GRM8: variants seen among roughly 807,000 people sequenced by gnomAD.
GRM8 encodes metabotropic glutamate receptor 8.
In GRM8, 47 loss-of-function variants were observed where a neutral mutation model predicts 87.2. The observed-to-expected ratio is 0.54, with a 90% CI of 0.43 to 0.69. GRM8 has a LOEUF of 0.69. Among genes scored for constraint, GRM8 ranks in the 30% least tolerant of loss-of-function variants. The probability of loss-of-function intolerance (pLI) is 0.00; values close to 1 mark genes in which losing one functional copy is unlikely to be tolerated. For synonymous variants in GRM8, 396 were observed against 404.5 expected (o/e 0.98, Z 0.25); for missense variants, 1,019 against 1,139.2 (o/e 0.89, Z 1.52).
chr7:127,073,179 T>C (rs1055452660), intron 3 of GRM8, among the ~76,000 whole-genome samples: 3 of 152,034 alleles, frequency 2.0e-5, no homozygotes, highest in African/African-American at 7.2e-5. Flanking sequence ...ATCAAACTTC[T>C]AAGTACTGGA....
At chr7:126,998,331 C>G (rs1259332040) in intron 3 of GRM8, among the ~76,000 whole-genome samples, 4 of 151,866 alleles carry the variant, frequency 2.6e-5, no homozygotes, top group African/African-American at 9.6e-5. Flanking sequence ...AAACTGAAAG[C>G]CTTTCCTCTA....
chr7:126,477,639 A>AAAG (rs1563051509), intron 9 of GRM8, among the ~76,000 whole-genome samples: 27 of 144,188 alleles, frequency 1.9e-4, no homozygotes, highest in Non-Finnish European at 2.9e-4. Context: ...AAGAAAGAAA[A>AAAG]AACGAAAGAG....
intron 2 of GRM8, among the ~76,000 whole-genome samples, chr7:127,146,657 T>G (rs560682031): frequency 6.6e-6 from 1 of 152,166 alleles, no homozygotes; most frequent in Admixed American, 6.5e-5. Context: ...CAGAATATTT[T>G]AGTTCAGTTA....
rs923047713 is a variant in GRM8 at position 126,685,056 on chromosome 7, C to T, written c.1358-75558G>A. Among the ~76,000 whole-genome samples, 1 of 152,180 alleles carries T rather than the reference C, an allele frequency of 6.6e-6. No individual in the cohort carries two copies. The highest frequency in any genetic ancestry group is 2.4e-5 in the African/African-American group (1 of 41,448). ...GCCATGGGACCCCTGTGCCCTGCGT[C>T]CCCAAGGAAGCTGACTGCACTGCCC... is the stretch of plus-strand genomic sequence containing the variant. On this transcript the variant is annotated intron_variant, in intron 7 of 10. Transcript: ENST00000339582. The surrounding 1 kb of genome is among the most constrained non-coding windows in gnomAD (Gnocchi z 4.2).
At chr7:126,580,362 C>A (rs1349670360) in intron 8 of GRM8, among the ~76,000 whole-genome samples, 6 of 152,254 alleles carry the variant, frequency 3.9e-5, no homozygotes, top group Middle Eastern at 6.8e-3. Context: ...GCAATCCATT[C>A]TCTACCCCTG....
At chr7:127,219,207 T>C (rs1039758609) in intron 2 of GRM8, among the ~76,000 whole-genome samples, 2 of 152,114 alleles carry the variant, frequency 1.3e-5, no homozygotes, top group Non-Finnish European at 2.9e-5. Flanking sequence ...GTGATATCTG[T>C]ATCTGTCCAG....
At chr7:126,486,460 C>G (rs1256276463) in intron 9 of GRM8, among the ~76,000 whole-genome samples, 1 of 151,976 alleles carries the variant, frequency 6.6e-6, no homozygotes, top group Non-Finnish European at 1.5e-5. Flanking sequence ...CCCTGTTCCA[C>G]TCTCCCCTCC....
chr7:126,994,612 T>C (rs1011732526), intron 3 of GRM8, among the ~76,000 whole-genome samples: 10 of 152,098 alleles, frequency 6.6e-5, no homozygotes, highest in Non-Finnish European at 8.8e-5. Context: ...AAAAACTCCC[T>C]ATGGGCTAGT....
At chr7:126,522,800 C>T (rs1037103485) in intron 9 of GRM8, among the ~76,000 whole-genome samples, 1 of 152,120 alleles carries the variant, frequency 6.6e-6, no homozygotes, top group East Asian at 1.9e-4. Context: ...CGTTCACCAT[C>T]CCTGGTCCCA....
chr7:126,945,043 G>A (rs1237100876), intron 3 of GRM8, among the ~76,000 whole-genome samples: 1 of 152,120 alleles, frequency 6.6e-6, no homozygotes, highest in Non-Finnish European at 1.5e-5. Context: ...ATCTTTTGGG[G>A]AAGAGAATGA....
intron 2 of GRM8, among the ~76,000 whole-genome samples, chr7:127,151,080 C>T (rs1372965066): frequency 6.6e-6 from 1 of 152,000 alleles, no homozygotes; most frequent in Non-Finnish European, 1.5e-5. Flanking sequence ...CATATGCTGG[C>T]ATCGCTAAGT....
At chr7:126,570,933 C>A (rs1019489967) in intron 8 of GRM8, among the ~76,000 whole-genome samples, 1 of 152,136 alleles carries the variant, frequency 6.6e-6, no homozygotes, top group Non-Finnish European at 1.5e-5. Flanking sequence ...TATTCAAATA[C>A]CATTTCTGTG....
rs1177565130 is a variant in GRM8, at chr7:126,472,019, A to G, written c.2431-25647T>C. ...TTATTGGTGTATAAGAATGCTTGTG[A>G]TTTTTGCACATTGATTTTGTATCCT... On this transcript the variant is annotated intron_variant, in intron 9 of 10. Transcript: ENST00000339582. Among the ~76,000 whole-genome samples, 15 of 152,168 alleles carry G rather than the reference A, an allele frequency of 9.9e-5. No individual in the cohort carries two copies. The East Asian group carries it at 2.9e-3, about 29-fold the overall frequency.
At chr7:126,516,152 C>G (rs1036169978) in intron 9 of GRM8, among the ~76,000 whole-genome samples, 2 of 151,956 alleles carry the variant, frequency 1.3e-5, no homozygotes, top group Non-Finnish European at 2.9e-5. Flanking sequence ...CTCTCATCAA[C>G]CTAGAATACA....
At chr7:126,663,373 C>T (rs1805412534) in intron 7 of GRM8, among the ~76,000 whole-genome samples, 1 of 152,170 alleles carries the variant, frequency 6.6e-6, no homozygotes, top group South Asian at 2.1e-4. Context: ...CCCTGATGAA[C>T]ATAGATTGAA....
rs75435753 is a variant in GRM8, at chr7:126,610,573, G to A, written c.1358-1075C>T. Among the ~76,000 whole-genome samples, 1,133 of 152,050 alleles carry A rather than the reference G, an allele frequency of 7.5e-3. 4 individuals carry two copies. Among genetic ancestry groups the A allele is most frequent in the African/African-American group, 0.024 (1,003 of 41,456 alleles). On this transcript the variant is annotated intron_variant, in intron 7 of 10. Coordinates refer to ENST00000339582, the MANE Select transcript of GRM8 (RefSeq NM_000845.3). ...GTATACATAACTAATAGTTATATAC[G>A]TCAACTGTACATATTCCCATCTTAT...
intron 3 of GRM8, among the ~76,000 whole-genome samples, chr7:127,103,104 A>G (rs558534815): frequency 6.6e-6 from 1 of 152,164 alleles, no homozygotes; most frequent in Non-Finnish European, 1.5e-5. Flanking sequence ...CAGCCCCCCA[A>G]AGTGCTGGGA....
intron 8 of GRM8, among the ~76,000 whole-genome samples, chr7:126,583,001 C>G (rs1332171736): frequency 6.6e-6 from 1 of 152,144 alleles, no homozygotes; most frequent in African/African-American, 2.4e-5. Flanking sequence ...GAATATACAA[C>G]ATCCAATCTG....
At chr7:126,826,925 C>G (rs990074995) in intron 6 of GRM8, among the ~76,000 whole-genome samples, 5 of 152,174 alleles carry the variant, frequency 3.3e-5, no homozygotes, top group Non-Finnish European at 7.3e-5. Flanking sequence ...TTTCAGCTTT[C>G]TCCATATGGC....
Sources: gnomAD v4.1 joint callset for allele counts (sites outside exome capture counted in the v4.1 genomes callset) on GRCh38, gnomAD v4.1.1 for gene constraint, Gnocchi (gnomAD v3.1) non-coding constraint, MANE v1.5 for transcripts, NCBI Gene and HGNC (gene_info 2026-07-23, HGNC 2026-07-21) for gene names.